CYB5R4: variants seen among roughly 807,000 people sequenced by gnomAD.
The protein encoded by CYB5R4 is cytochrome b5 reductase 4.
CYB5R4 carries 55 observed loss-of-function variants against 70.2 expected under a neutral mutation model. That is an observed-to-expected ratio of 0.78 (90% CI 0.63 to 0.98). The LOEUF (loss-of-function observed/expected upper bound fraction) is 0.98. Among genes scored for constraint, CYB5R4 ranks in the 50% least tolerant of loss-of-function variants. CYB5R4 has a pLI of 0.00. For synonymous variants in CYB5R4, 197 were observed against 199.5 expected (o/e 0.99, Z 0.11); for missense variants, 562 against 612.6 (o/e 0.92, Z 0.87).
chr6:83,922,429 C>CT lies in CYB5R4; in HGVS notation c.659-8dup. The stretch of plus-strand genomic sequence containing the variant: ...TTCTATTTTAACTAAATAAATTTGT[C>CT]TGTCCTAGGGCTAAGCCATGAGGTT... On this transcript the variant is annotated splice_polypyrimidine_tract_variant and intron_variant, in intron 8 of 15. Transcript: ENST00000369681. The CT allele has an allele frequency of 1.2e-6, 2 of 1,605,152 alleles. No individual in the cohort carries two copies. Among genetic ancestry groups the CT allele is most frequent in the African/African-American group, 2.7e-5 (2 of 74,462 alleles).
rs573334178 is a variant in CYB5R4 at position 83,875,771 on chromosome 6, G to A, written c.229+11443G>A. Among the ~76,000 whole-genome samples, 5 of 152,250 alleles carry A rather than the reference G, an allele frequency of 3.3e-5. No individual in the cohort carries two copies. In the South Asian group the frequency reaches 1.0e-3, roughly 32 times the overall value. On this transcript the variant is annotated intron_variant, in intron 2 of 15. Coordinates refer to ENST00000369681, the MANE Select transcript of CYB5R4 (RefSeq NM_016230.4). ...TTAATTTTCTTAATTACTACATTTTGCAAGAATCAATATTATTATCTTTGA... is the reference window on the plus strand; with the variant it reads ...TTAATTTTCTTAATTACTACATTTTACAAGAATCAATATTATTATCTTTGA...
At chr6:83,894,383 G>A (rs984603807) in intron 3 of CYB5R4, among the ~76,000 whole-genome samples, 3 of 151,786 alleles carry the variant, frequency 2.0e-5, no homozygotes, top group Non-Finnish European at 4.4e-5. Flanking sequence ...TTTATCATTC[G>A]AGATACCTGA....
intron 3 of CYB5R4, among the ~76,000 whole-genome samples, chr6:83,907,656 G>A (rs1197689310): frequency 6.6e-6 from 1 of 151,978 alleles, no homozygotes; most frequent in Admixed American, 6.6e-5. Context: ...CTCAAGTAGT[G>A]TCTGTTGTTC....
intron 10 of CYB5R4, among the ~76,000 whole-genome samples, chr6:83,931,189 T>C (rs1290426386): frequency 6.6e-6 from 1 of 152,276 alleles, no homozygotes; most frequent in Non-Finnish European, 1.5e-5. Flanking sequence ...TTACTAATCA[T>C]GTTCTCAAAC....
At chr6:83,922,532 G>A in intron 9 of CYB5R4, 62 bp downstream of exon 9, 1 of 1,196,592 alleles carries the variant, frequency 8.4e-7, no homozygotes, top group Admixed American at 2.2e-5. Context: ...TACAGAGAGA[G>A]AGATACGAAA....
chr6:83,922,380 G>A (rs1270707984), intron 8 of CYB5R4, 58 bp from the exon 9 acceptor site: 8 of 1,439,476 alleles, frequency 5.6e-6, no homozygotes, highest in Non-Finnish European at 4.9e-6. Flanking sequence ...GACATATGGT[G>A]TTCAAAAACT....
intron 10 of CYB5R4, among the ~76,000 whole-genome samples, chr6:83,930,160 G>A (rs529672368): frequency 1.3e-5 from 2 of 152,208 alleles, no homozygotes; most frequent in African/African-American, 4.8e-5. Flanking sequence ...CTTTTTGCTG[G>A]TGGAGAGTCT....
In CYB5R4 at chr6:83,909,117, A is replaced by T. The variant is rs1562836295; in HGVS notation, c.412+27A>T. The stretch of plus-strand genomic sequence containing the variant: ...TAAGTGGTGCTGGTGCTAAACCAGC[A>T]TGGATGTGTGGTGCACATGTATTTT... On this transcript the variant is annotated intron_variant, in intron 4 of 15. Transcript: ENST00000369681. 3 of 1,585,838 alleles carry T rather than the reference A, an allele frequency of 1.9e-6. No individual in the cohort carries two copies. The East Asian group carries it at 6.7e-5, about 35-fold the overall frequency.
At chr6:83,867,779 C>T (rs1041601777) in intron 2 of CYB5R4, among the ~76,000 whole-genome samples, 3 of 152,188 alleles carry the variant, frequency 2.0e-5, no homozygotes, top group Admixed American at 1.3e-4. Context: ...CACATAACCT[C>T]GCACATTATG....
intron 14 of CYB5R4, among the ~76,000 whole-genome samples, chr6:83,948,796 G>T (rs1347500672): frequency 6.6e-6 from 1 of 152,042 alleles, no homozygotes; most frequent in African/African-American, 2.4e-5. Context: ...GGTTGGTGAG[G>T]TTGCATAGGC....
At chr6:83,946,627 A>G (rs939608811) in intron 14 of CYB5R4, among the ~76,000 whole-genome samples, 1 of 152,186 alleles carries the variant, frequency 6.6e-6, no homozygotes, top group East Asian at 1.9e-4. Flanking sequence ...GAGGAAGTCA[A>G]ATTATCTCTG....
Position 83,910,977 on chromosome 6 carries a change from G to A in CYB5R4, c.412+1887G>A, listed in dbSNP as rs563009870. On this transcript the variant is annotated intron_variant, in intron 4 of 15. Transcript: ENST00000369681. ...CTAGTGAACTAGAAGTTTGAGAGAT[G>A]TATAAAATTGAAAGATGATTCAGAA... Among the ~76,000 whole-genome samples the A allele has an allele frequency of 4.1e-4, 62 of 152,276 alleles. 1 individual carries two copies. Among genetic ancestry groups the A allele is most frequent in the East Asian group, 3.1e-3 (16 of 5,180 alleles).
intron 15 of CYB5R4, 81 bp from the exon 16 acceptor site, chr6:83,959,743 G>T: frequency 8.3e-7 from 1 of 1,197,636 alleles, no homozygotes; most frequent in South Asian, 1.4e-5. Flanking sequence ...AAAGTATCAT[G>T]ATTATGGTGG....
At chr6:83,899,174 A>AGG (rs1373704379) in intron 3 of CYB5R4, among the ~76,000 whole-genome samples, 3 of 152,178 alleles carry the variant, frequency 2.0e-5, no homozygotes, top group East Asian at 1.9e-4. Flanking sequence ...TTTAGCATGA[A>AGG]GCATTGTTGA....
chr6:83,940,722 C>A, intron 14 of CYB5R4, 121 bp downstream of exon 14: 1 of 1,151,212 alleles, frequency 8.7e-7, no homozygotes, highest in Non-Finnish European at 1.2e-6. Flanking sequence ...AAAAAATAAA[C>A]CAATAATTCT....
intron 1 of CYB5R4, among the ~76,000 whole-genome samples, 174 bp downstream of exon 1, chr6:83,860,031 C>T (rs1428812899): frequency 3.9e-5 from 6 of 152,170 alleles, no homozygotes; most frequent in African/African-American, 1.4e-4. Flanking sequence ...CCTAAACTCT[C>T]CTTACCTCCT....
rs77409118 is a variant in CYB5R4, at chr6:83,925,092, C to T, written c.814+500C>T. 3.8e-3 allele frequency among the ~76,000 whole-genome samples: 584 copies of T among 152,204 alleles called. 6 individuals are homozygous for T. In the East Asian group the frequency reaches 0.041, roughly 11 times the overall value. ...TATAAAGAAAAAAGGTTAATTGGCT[C>T]ACAGTTCCACAGGCTGTATAGGAAG... On this transcript the variant is annotated intron_variant, in intron 10 of 15. Coordinates refer to ENST00000369681, the MANE Select transcript of CYB5R4 (RefSeq NM_016230.4).
chr6:83,937,486 T>A (rs982141340), intron 12 of CYB5R4, among the ~76,000 whole-genome samples: 13 of 152,148 alleles, frequency 8.5e-5, no homozygotes, highest in African/African-American at 2.9e-4. Context: ...GCATGGCAGT[T>A]GGTACATAAT....
intron 4 of CYB5R4, chr6:83,910,173 G>A: frequency 1.9e-6 from 3 of 1,568,142 alleles, no homozygotes; most frequent in Middle Eastern, 3.4e-4. Flanking sequence ...AGCACTGTGA[G>A]CAAGGACAAG....
Sources: allele counts gnomAD v4.1 joint callset (sites outside exome capture counted in the v4.1 genomes callset), GRCh38; gene constraint gnomAD v4.1.1; transcripts MANE v1.5; gene names NCBI Gene and HGNC (gene_info 2026-07-23, HGNC 2026-07-21).